The following SEPTIN6 variants were observed in gnomAD, a reference collection of about 807,000 sequenced individuals.
The protein encoded by SEPTIN6 is septin 6.
Under a neutral mutation model 33.6 loss-of-function variants are expected in SEPTIN6, and 8 were observed. The ratio of observed to expected loss-of-function variants is 0.24; its 90% CI spans 0.14 to 0.43. The LOEUF (loss-of-function observed/expected upper bound fraction) is 0.43. Ranked by LOEUF, SEPTIN6 falls within the 20% of genes least tolerant of loss-of-function variation. The probability of loss-of-function intolerance (pLI) is 1.00; values close to 1 mark genes in which losing one functional copy is unlikely to be tolerated. For synonymous variants in SEPTIN6, 131 were observed against 140.0 expected (o/e 0.94, Z 0.45); for missense variants, 250 against 340.8 (o/e 0.73, Z 2.10).
intron 10 of SEPTIN6, 50 bp downstream of exon 10, chrX:119,625,285 A>G: frequency 4.5e-6 from 4 of 884,571 alleles, no homozygotes; most frequent in Non-Finnish European, 6.6e-6. Context: ...ATTGGGGGAG[A>G]TATGTTCTAG....
chrX:119,622,621 G>A (rs781253199), intron 10 of SEPTIN6, among the ~76,000 whole-genome samples: 15 of 112,160 alleles, frequency 1.3e-4, no homozygotes, highest in Non-Finnish European at 2.8e-4. Context: ...TTATAGTTTT[G>A]CCAGAATTCA....
At chrX:119,677,340 G>C (rs917093376) in intron 1 of SEPTIN6, among the ~76,000 whole-genome samples, 20 of 112,376 alleles carry the variant, frequency 1.8e-4, no homozygotes, top group African/African-American at 6.5e-4. Flanking sequence ...GCATAAAAGG[G>C]GCCTGCGTGG....
chrX:119,635,498 G>A (rs1333663612), intron 7 of SEPTIN6, among the ~76,000 whole-genome samples: 4 of 111,460 alleles, frequency 3.6e-5, no homozygotes, highest in African/African-American at 1.3e-4. Context: ...CTGCAAAGGA[G>A]GCTGAGAAGA....
In SEPTIN6 at chrX:119,617,951, T is replaced by G; in HGVS notation, c.*2142A>C. ...TAGTTAATCTGTACACAAATGCAAA[T>G]GAGGGCGCCTCCGGTTTGTAATGCA... is the stretch of plus-strand genomic sequence containing the variant. On this transcript the variant is annotated 3_prime_UTR_variant, in exon 11 of 11. Coordinates refer to ENST00000394610, the MANE Select transcript of SEPTIN6 (RefSeq NM_145799.4). 1 of 804,057 alleles carries G rather than the reference T, an allele frequency of 1.2e-6. No individual in the cohort carries two copies. Among genetic ancestry groups the G allele is most frequent in the Non-Finnish European group, 1.5e-6 (1 of 669,954 alleles). The allele number at this position is 804,057 out of a possible 1,213,427, so 66.3% of individuals were successfully genotyped here.
intron 1 of SEPTIN6, among the ~76,000 whole-genome samples, chrX:119,676,420 C>T (rs1423967987): frequency 9.3e-6 from 1 of 107,028 alleles, no homozygotes; most frequent in Non-Finnish European, 1.9e-5. Context: ...GCCGAGATCA[C>T]GCCACTGCAC....
At chrX:119,628,090 G>A (rs748766052) in intron 9 of SEPTIN6, among the ~76,000 whole-genome samples, 5 of 107,322 alleles carry the variant, frequency 4.7e-5, no homozygotes, top group South Asian at 4.0e-4. Context: ...CGCCCGGCCC[G>A]TAGCTGCAGT....
Position 119,633,508 on chromosome X carries a change from G to A in SEPTIN6, c.957-16C>T. 1 of 1,178,710 alleles carries A rather than the reference G, an allele frequency of 8.5e-7. No homozygotes were observed. On this transcript the variant is annotated splice_polypyrimidine_tract_variant and intron_variant, in intron 7 of 10. Coordinates refer to ENST00000394610, the MANE Select transcript of SEPTIN6 (RefSeq NM_145799.4). ...CTCCTGTAAACTGCGAACATGGTCA[G>A]GTTAATTCTTCTTCCTTTGGAATGA...
intron 5 of SEPTIN6, among the ~76,000 whole-genome samples, chrX:119,645,183 C>T (rs1210378343): frequency 1.9e-5 from 2 of 106,829 alleles, no homozygotes; most frequent in Non-Finnish European, 3.9e-5. Flanking sequence ...GCTGGGATTA[C>T]AGGTGTGAGC....
At chrX:119,627,360 T>C (rs1293462153) in intron 9 of SEPTIN6, among the ~76,000 whole-genome samples, 1 of 110,343 alleles carries the variant, frequency 9.1e-6, no homozygotes, top group Non-Finnish European at 1.9e-5. Flanking sequence ...GGATGAGGAA[T>C]GGGTAACTTC....
chrX:119,637,541 TCATC>T (rs2054082725), intron 6 of SEPTIN6, among the ~76,000 whole-genome samples: 1 of 105,113 alleles, frequency 9.5e-6, no homozygotes, highest in Non-Finnish European at 2.0e-5. Flanking sequence ...ATCCATCCAC[TCATC>T]CATCCATCCA....
Position 119,618,980 on chromosome X carries a change from A to T in SEPTIN6, c.*1113T>A. On this transcript the variant is annotated 3_prime_UTR_variant, in exon 11 of 11. Coordinates refer to ENST00000394610, the MANE Select transcript of SEPTIN6 (RefSeq NM_145799.4). ...CCCATGATAAAAACTTAGGGCTGGAATATTTTTAAACTCTCAACTCCTTAA... is the reference window on the plus strand; with the variant it reads ...CCCATGATAAAAACTTAGGGCTGGATTATTTTTAAACTCTCAACTCCTTAA... 1 of 978,616 alleles carries T rather than the reference A, an allele frequency of 1.0e-6. No individual in the cohort carries two copies. Among genetic ancestry groups the T allele is most frequent in the Non-Finnish European group, 1.3e-6 (1 of 774,918 alleles). 80.6% of individuals were successfully genotyped at this position (978,616 alleles called of 1,213,427 possible). A position where few individuals can be genotyped will look rare whatever the true frequency, so the allele number is the denominator to read the frequency against.
At chrX:119,636,540 G>A (rs2054064006) in intron 7 of SEPTIN6, among the ~76,000 whole-genome samples, 1 of 111,812 alleles carries the variant, frequency 8.9e-6, no homozygotes, top group Admixed American at 9.5e-5. Context: ...GCATGGCAAG[G>A]GCATGCTACC....
intron 1 of SEPTIN6, among the ~76,000 whole-genome samples, chrX:119,687,248 C>CTTTTT (rs761167270): frequency 4.1e-5 from 4 of 97,607 alleles, no homozygotes; most frequent in Non-Finnish European, 4.1e-5. Flanking sequence ...TTTCATCTGT[C>CTTTTT]TTTTTTTTTT....
chrX:119,640,574 T>C (rs1170946511), intron 6 of SEPTIN6, 118 bp downstream of exon 6: 9 of 572,511 alleles, frequency 1.6e-5, no homozygotes, highest in Non-Finnish European at 2.6e-5. Context: ...TTGGGACCCA[T>C]GCCGAATGAG....
intron 8 of SEPTIN6, among the ~76,000 whole-genome samples, chrX:119,630,884 C>G (rs2053946191): frequency 2.0e-5 from 2 of 102,201 alleles, no homozygotes; most frequent in South Asian, 8.7e-4. Flanking sequence ...GAGTGAGACT[C>G]TGTCTCGGAA....
At chrX:119,677,968 C>T (rs1454148579) in intron 1 of SEPTIN6, among the ~76,000 whole-genome samples, 7 of 112,901 alleles carry the variant, frequency 6.2e-5, no homozygotes, top group Non-Finnish European at 1.1e-4. Flanking sequence ...TGCAGTGGCT[C>T]GCACCTGCAA....
intron 2 of SEPTIN6, among the ~76,000 whole-genome samples, chrX:119,669,014 T>C (rs746235545): frequency 4.5e-5 from 5 of 111,885 alleles, no homozygotes; most frequent in Non-Finnish European, 9.4e-5. Context: ...TGGCTCCCAC[T>C]TATGAGTGAG....
intron 3 of SEPTIN6, among the ~76,000 whole-genome samples, chrX:119,654,605 C>T (rs979855088): frequency 2.7e-5 from 3 of 111,842 alleles, no homozygotes; most frequent in Non-Finnish European, 5.6e-5. Context: ...GGGAAAATAG[C>T]CTTTTAAGAA....
chrX:119,619,762 CT>C lies in SEPTIN6; in HGVS notation c.*330del. On this transcript the variant is annotated 3_prime_UTR_variant, in exon 11 of 11. Transcript: ENST00000394610. ...TGGGAAAGAGTAGCAGATGGGCCCCCTGACCATGTCACACCTCTGGCAAAGA... is the reference window on the plus strand; with the variant it reads ...TGGGAAAGAGTAGCAGATGGGCCCCCGACCATGTCACACCTCTGGCAAAGA... 8 of 1,008,461 alleles carry C rather than the reference CT, an allele frequency of 7.9e-6. No individual in the cohort carries two copies. Among genetic ancestry groups the C allele is most frequent in the Non-Finnish European group, 1.0e-5 (8 of 794,320 alleles). The allele number at this position is 1,008,461 out of a possible 1,213,427, so 83.1% of individuals were successfully genotyped here.
Sources: allele counts gnomAD v4.1 joint callset (sites outside exome capture counted in the v4.1 genomes callset), GRCh38; gene constraint gnomAD v4.1.1; transcripts MANE v1.5; gene names NCBI Gene and HGNC (gene_info 2026-07-23, HGNC 2026-07-21).